TMEM120B: variants seen among roughly 807,000 people sequenced by gnomAD.
The protein encoded by TMEM120B is transmembrane protein 120B.
Under a neutral mutation model 55.5 loss-of-function variants are expected in TMEM120B, and 31 were observed. The observed-to-expected ratio is 0.56, with a 90% CI of 0.42 to 0.75. The LOEUF (loss-of-function observed/expected upper bound fraction) is 0.75. TMEM120B is among the 30% of genes least tolerant of loss of function. The pLI is 0.00. For missense variants in TMEM120B, 399 were observed against 425.5 expected (o/e 0.94, Z 0.55); for synonymous variants, 203 against 176.3 (o/e 1.15, Z -1.20).
chr12:121,749,844 T>A (rs1226208920), intron 3 of TMEM120B, among the ~76,000 whole-genome samples: 1 of 150,806 alleles, frequency 6.6e-6, no homozygotes, highest in Non-Finnish European at 1.5e-5. Context: ...AGGTGGAGGT[T>A]ATAGCGAGTC....
At chr12:121,734,030 T>G (rs1278324625) in intron 1 of TMEM120B, among the ~76,000 whole-genome samples, 1 of 152,192 alleles carries the variant, frequency 6.6e-6, no homozygotes, top group Non-Finnish European at 1.5e-5. Context: ...AGTTTCTTTG[T>G]CACATGACAG....
Position 121,777,200 on chromosome 12 carries a change from G to A in TMEM120B, c.*1478G>A, listed in dbSNP as rs1289222836. On this transcript the variant is annotated 3_prime_UTR_variant, in exon 12 of 12. Transcript: ENST00000449592. The stretch of plus-strand genomic sequence containing the variant: ...TTTGCCAGGATAGTCTCGATCTCTT[G>A]ACCTTGTGATCTGCCTGCCTCAGCC... 9 of 152,156 alleles carry A rather than the reference G, an allele frequency of 5.9e-5. No homozygotes were observed. Among genetic ancestry groups the A allele is most frequent in the Admixed American group, 5.9e-4 (9 of 15,260 alleles). 9.4% of individuals were successfully genotyped at this position (152,156 alleles called of 1,614,324 possible).
intron 1 of TMEM120B, among the ~76,000 whole-genome samples, chr12:121,725,278 A>G (rs1043292325): frequency 6.6e-6 from 1 of 152,076 alleles, no homozygotes; most frequent in East Asian, 1.9e-4. Flanking sequence ...AGAGCTAGGG[A>G]TTCGATGGTG....
intron 3 of TMEM120B, among the ~76,000 whole-genome samples, chr12:121,750,139 T>C (rs1160051174): frequency 2.6e-5 from 4 of 151,986 alleles, no homozygotes; most frequent in Non-Finnish European, 4.4e-5. Flanking sequence ...GGCTTAGAAA[T>C]ACGGTCTCTA....
At chr12:121,716,274 C>T (rs1471916367) in intron 1 of TMEM120B, among the ~76,000 whole-genome samples, 1 of 149,586 alleles carries the variant, frequency 6.7e-6, no homozygotes. Flanking sequence ...CACCACTGTA[C>T]TCTAGCCTGG....
rs940825151 is a variant in TMEM120B at position 121,775,134 on chromosome 12, TG to T, written c.906+10del. 5.9e-5 allele frequency: 24 copies of T among 407,224 alleles called. No homozygotes were observed. The highest frequency in any genetic ancestry group is 8.9e-5 in the Admixed American group (2 of 22,510). The allele number at this position is 407,224 out of a possible 1,614,324, so 25.2% of individuals were successfully genotyped here. On this transcript the variant is annotated splice_donor_5th_base_variant and intron_variant, in intron 11 of 11. Transcript: ENST00000449592. This position sits in a 1 kb window ranked among gnomAD's most constrained non-coding sequence, Gnocchi z 4.3. Reference sequence around the variant, plus strand: ...CGAGGAATGCAGAGAATGGCAGGTATGGGGGGTGGGGGCATGCTCGGGGGAG... The same window carrying T: ...CGAGGAATGCAGAGAATGGCAGGTATGGGGGTGGGGGCATGCTCGGGGGAG...
intron 1 of TMEM120B, among the ~76,000 whole-genome samples, chr12:121,729,568 G>A (rs1894956754): frequency 6.6e-6 from 1 of 152,060 alleles, no homozygotes; most frequent in Non-Finnish European, 1.5e-5. Context: ...CACTTTGGGA[G>A]GCTGAAGTGG....
In TMEM120B at chr12:121,775,945, A is replaced by C. The variant is rs1293253210; in HGVS notation, c.*223A>C. On this transcript the variant is annotated 3_prime_UTR_variant, in exon 12 of 12. Transcript: ENST00000449592. This position sits in a 1 kb window ranked among gnomAD's most constrained non-coding sequence, Gnocchi z 4.3. The stretch of plus-strand genomic sequence containing the variant: ...ATGCTGGGTCCCCCATCGTCCCTGG[A>C]ACCCGAGGCCTCACTCCTGTGCTTG... 1 of 612,468 alleles carries C rather than the reference A, an allele frequency of 1.6e-6. No individual in the cohort carries two copies. The highest frequency in any genetic ancestry group is 2.9e-6 in the Non-Finnish European group (1 of 344,756). 37.9% of individuals were successfully genotyped at this position (612,468 alleles called of 1,614,324 possible).
intron 2 of TMEM120B, among the ~76,000 whole-genome samples, chr12:121,746,824 G>A (rs530524160): frequency 6.4e-4 from 98 of 152,106 alleles, no homozygotes; most frequent in African/African-American, 2.2e-3. Context: ...TGGGCGTGGT[G>A]GCAGGCACCT....
Position 121,770,951 on chromosome 12 carries a change from T to C in TMEM120B, c.596T>C (p.Leu199Pro). 1 of 1,614,080 alleles carries C rather than the reference T, an allele frequency of 6.2e-7. No individual in the cohort carries two copies. Among genetic ancestry groups the C allele is most frequent in the Non-Finnish European group, 8.5e-7 (1 of 1,179,994 alleles). Reference protein sequence around the residue: ...WVSHHYVSTFLSGVMLTWPNG... With the variant: ...WVSHHYVSTFPSGVMLTWPNG... ...TCTCACCACTACGTCTCCACATTCCTGTCCGGAGTGATGCTGACCTGGTGA... is the reference window on the plus strand; with the variant it reads ...TCTCACCACTACGTCTCCACATTCCCGTCCGGAGTGATGCTGACCTGGTGA... Residue 199 changes from leucine (L) to proline (P), a missense_variant, in exon 7 of 12, where the codon CTG becomes CCG. By Grantham distance (98) the Leu-to-Pro change is moderately conservative. Transcript: ENST00000449592.
At chr12:121,751,441 C>G (rs1873325793) in intron 4 of TMEM120B, among the ~76,000 whole-genome samples, 1 of 147,626 alleles carries the variant, frequency 6.8e-6, no homozygotes, top group South Asian at 2.2e-4. Context: ...CAACCCACAC[C>G]CCGTCTCACG....
intron 1 of TMEM120B, among the ~76,000 whole-genome samples, chr12:121,726,647 A>G (rs1360283893): frequency 4.6e-5 from 7 of 151,196 alleles, no homozygotes; most frequent in Non-Finnish European, 1.0e-4. Context: ...ATTCATGCCT[A>G]TAATCCCAGC....
At chr12:121,760,966 C>T (rs1034855586) in intron 5 of TMEM120B, among the ~76,000 whole-genome samples, 2 of 152,028 alleles carry the variant, frequency 1.3e-5, no homozygotes, top group Admixed American at 6.6e-5. Context: ...TTAAATAGAA[C>T]ATTAAGTCTC....
chr12:121,762,271 C>CAAA (rs796129443), intron 6 of TMEM120B, among the ~76,000 whole-genome samples: 1 of 117,234 alleles, frequency 8.5e-6, no homozygotes. Context: ...GACTCTGTCT[C>CAAA]AAAAAAAAAA....
At chr12:121,731,401 G>A (rs1275427026) in intron 1 of TMEM120B, among the ~76,000 whole-genome samples, 1 of 152,152 alleles carries the variant, frequency 6.6e-6, no homozygotes, top group East Asian at 1.9e-4. Context: ...ACAGGCGGGT[G>A]CCACCATGCC....
intron 5 of TMEM120B, among the ~76,000 whole-genome samples, chr12:121,754,722 A>C (rs1016015604): frequency 3.3e-5 from 5 of 152,174 alleles, no homozygotes; most frequent in African/African-American, 1.2e-4. Context: ...ATTTGAACTA[A>C]TTCCATCTAC....
chr12:121,713,469 G>C (rs1894637948), intron 1 of TMEM120B, among the ~76,000 whole-genome samples: 1 of 152,130 alleles, frequency 6.6e-6, no homozygotes, highest in Admixed American at 6.6e-5. Flanking sequence ...TTGTGCTTGG[G>C]GATTAGGGAC....
At chr12:121,759,464 G>C (rs1400141342) in intron 5 of TMEM120B, among the ~76,000 whole-genome samples, 1 of 151,106 alleles carries the variant, frequency 6.6e-6, no homozygotes, top group Admixed American at 6.6e-5. Context: ...GATCACCTGA[G>C]GTCAGGAGTT....
intron 1 of TMEM120B, among the ~76,000 whole-genome samples, chr12:121,732,233 C>G (rs1021644169): frequency 2.6e-5 from 4 of 152,214 alleles, no homozygotes; most frequent in African/African-American, 4.8e-5. Flanking sequence ...GTGGAATCCA[C>G]GAAGACTGGG....
Sources: gnomAD v4.1 joint callset for allele counts (sites outside exome capture counted in the v4.1 genomes callset) on GRCh38, gnomAD v4.1.1 for gene constraint, Gnocchi (gnomAD v3.1) non-coding constraint, MANE v1.5 for transcripts, NCBI Gene and HGNC (gene_info 2026-07-23, HGNC 2026-07-21) for gene names.